The following AFF2 variants were observed in gnomAD, a reference collection of about 807,000 sequenced individuals.
The protein encoded by AFF2 is ALF transcription elongation factor 2, also known as AF4/FMR2 family member 2.
Under a neutral mutation model 76.9 loss-of-function variants are expected in AFF2, and 14 were observed. That is an observed-to-expected ratio of 0.18 (90% CI 0.12 to 0.28). The LOEUF (loss-of-function observed/expected upper bound fraction) is 0.28. AFF2 is among the 10% of genes least tolerant of loss of function. The probability of loss-of-function intolerance (pLI) is 1.00; values close to 1 mark genes in which losing one functional copy is unlikely to be tolerated. For synonymous variants in AFF2, 398 were observed against 366.7 expected, an observed-to-expected ratio of 1.09 and a Z score of -0.98; for missense variants, 868 against 1,001.1, an observed-to-expected ratio of 0.87 and a Z score of 1.79.
chrX:148,946,556 C>T (rs1276869385), intron 9 of AFF2, among the ~76,000 whole-genome samples: 1 of 112,859 alleles, frequency 8.9e-6, no homozygotes, highest in Non-Finnish European at 1.9e-5. Context: ...TGGTTAAAAT[C>T]AAGGTGGCAG....
intron 8 of AFF2, among the ~76,000 whole-genome samples, chrX:148,903,288 AT>A (rs1277281021): frequency 8.9e-6 from 1 of 112,161 alleles, no homozygotes; most frequent in Non-Finnish European, 1.9e-5. Flanking sequence ...TGAAAAAAAA[AT>A]CATCACTAAA....
At position 148,906,771 on chromosome X, in the gene AFF2, G is replaced by A. The variant is rs181088814; in HGVS notation, c.1397+2513G>A. On this transcript the variant is annotated intron_variant, in intron 9 of 20. Transcript: ENST00000370460. ...GGCTCAAGCTGAGCTTTTGCTCGCC[G>A]TCCACCACTGCTGAATGCCGCCATT... 2.2e-4 allele frequency among the ~76,000 whole-genome samples: 24 copies of A among 111,437 alleles called. No homozygotes were observed. In the East Asian group the frequency reaches 5.4e-3, roughly 25 times the overall value.
At chrX:148,842,160 C>T (rs920174970) in intron 5 of AFF2, among the ~76,000 whole-genome samples, 38 of 111,870 alleles carry the variant, frequency 3.4e-4, no homozygotes, top group African/African-American at 1.1e-3. Context: ...GCCTGTATTG[C>T]GGTTTGTACC....
chrX:148,907,404 G>A (rs147008601), intron 9 of AFF2, among the ~76,000 whole-genome samples: 36 of 111,425 alleles, frequency 3.2e-4, no homozygotes, highest in African/African-American at 1.1e-3. Context: ...CAGTCCTGTC[G>A]GGCGAAATTC....
chrX:148,767,692 G>T lies in AFF2; in HGVS notation c.1042-42184G>T, dbSNP rs189551512. On this transcript the variant is annotated intron_variant, in intron 3 of 20. Transcript: ENST00000370460. ...CAAATTACAGCCATCTTGATAGGGGGTGATTATTGGCATTACCAACTCAGT... is the reference window on the plus strand; with the variant it reads ...CAAATTACAGCCATCTTGATAGGGGTTGATTATTGGCATTACCAACTCAGT... 1.9e-4 allele frequency among the ~76,000 whole-genome samples: 21 copies of T among 111,983 alleles called. No individual in the cohort carries two copies. The East Asian group carries it at 2.8e-3, about 15-fold the overall frequency.
intron 3 of AFF2, among the ~76,000 whole-genome samples, chrX:148,800,675 G>A (rs1157605665): frequency 9.0e-6 from 1 of 111,251 alleles, no homozygotes; most frequent in Non-Finnish European, 1.9e-5. Flanking sequence ...CTGTGGCAAT[G>A]CCTTCAGAAA....
chrX:148,808,310 T>C (rs1484363364), intron 3 of AFF2, among the ~76,000 whole-genome samples: 1 of 112,286 alleles, frequency 8.9e-6, no homozygotes, highest in Non-Finnish European at 1.9e-5. Flanking sequence ...TTGCTTCCCA[T>C]TGTATCTCTG....
At position 148,955,773 on chromosome X, in the gene AFF2, C is replaced by T; in HGVS notation, c.1728C>T (p.Ala576=). The change falls in exon 11 of 21, where the codon GCC becomes GCT. Residue 576 remains alanine (A), a synonymous_variant. Coordinates refer to ENST00000370460, the MANE Select transcript of AFF2 (RefSeq NM_002025.4). ...TCCAGATGAAAGTGAAGACGAATGC[C>T]AGTCAGGTCCCAGCTGAACCCAAAG... The part of the protein sequence containing the change: ...MEVQMKVKTN[A]SQVPAEPKER... 1 of 1,211,818 alleles carries T rather than the reference C, an allele frequency of 8.3e-7. No individual in the cohort carries two copies. The highest frequency in any genetic ancestry group is 1.1e-6 in the Non-Finnish European group (1 of 895,542).
At chrX:148,969,361 T>C (rs1409091394) in intron 15 of AFF2, among the ~76,000 whole-genome samples, 1 of 112,522 alleles carries the variant, frequency 8.9e-6, no homozygotes, top group African/African-American at 3.2e-5. Context: ...AGAATAAGTA[T>C]ATTTCTTGTA....
intron 3 of AFF2, among the ~76,000 whole-genome samples, chrX:148,743,947 T>C: frequency 9.0e-6 from 1 of 110,935 alleles, no homozygotes; most frequent in East Asian, 2.8e-4. Flanking sequence ...TAAGTAAATA[T>C]GTGTATATGA....
chrX:148,552,932 G>C (rs2053012134), intron 1 of AFF2, among the ~76,000 whole-genome samples: 1 of 111,647 alleles, frequency 9.0e-6, no homozygotes, highest in Admixed American at 9.5e-5. Flanking sequence ...TTTGTTGCTT[G>C]GTAGGAAGAA....
chrX:148,799,784 C>T (rs1305312784), intron 3 of AFF2, among the ~76,000 whole-genome samples: 1 of 112,022 alleles, frequency 8.9e-6, no homozygotes, highest in East Asian at 2.8e-4. Flanking sequence ...AATGGACATG[C>T]TTGCTTAGCA....
chrX:148,798,160 G>A (rs1293820374), intron 3 of AFF2, among the ~76,000 whole-genome samples: 1 of 110,729 alleles, frequency 9.0e-6, no homozygotes, highest in Admixed American at 9.6e-5. Context: ...AGGTTGGGGA[G>A]AGAGAGAGAG....
intron 9 of AFF2, among the ~76,000 whole-genome samples, chrX:148,947,674 T>C (rs1437391934): frequency 1.8e-5 from 2 of 111,597 alleles, no homozygotes; most frequent in Non-Finnish European, 3.8e-5. Flanking sequence ...GGTGGCCTAA[T>C]GTGATGAGGC....
chrX:148,724,305 G>T (rs1730491156), intron 3 of AFF2, among the ~76,000 whole-genome samples: 1 of 110,601 alleles, frequency 9.0e-6, no homozygotes, highest in Admixed American at 9.6e-5. Context: ...ATGAACTCAG[G>T]TACATGTTTG....
chrX:148,825,477 A>G (rs934892791), intron 4 of AFF2, among the ~76,000 whole-genome samples: 2 of 111,169 alleles, frequency 1.8e-5, no homozygotes, highest in Non-Finnish European at 3.8e-5. Flanking sequence ...TTTGAATTTC[A>G]TATTTCGACC....
At chrX:148,855,379 T>G (rs1428320740) in intron 7 of AFF2, among the ~76,000 whole-genome samples, 1 of 110,913 alleles carries the variant, frequency 9.0e-6, no homozygotes, top group African/African-American at 3.3e-5. Context: ...GATGTTTGAC[T>G]CTCCTGAACA....
At chrX:148,941,158 G>A (rs782321713) in intron 9 of AFF2, among the ~76,000 whole-genome samples, 6 of 111,148 alleles carry the variant, frequency 5.4e-5, no homozygotes, top group Non-Finnish European at 1.1e-4. Flanking sequence ...AATGGTCTTT[G>A]TGATTTATAG....
intron 3 of AFF2, among the ~76,000 whole-genome samples, chrX:148,758,057 CA>C (rs1557267042): frequency 8.9e-6 from 1 of 112,175 alleles, no homozygotes; most frequent in Non-Finnish European, 1.9e-5. Flanking sequence ...TTAAAAAGTA[CA>C]TATTTGCATT....
Sources: allele counts gnomAD v4.1 joint callset (sites outside exome capture counted in the v4.1 genomes callset), GRCh38; gene constraint gnomAD v4.1.1; transcripts MANE v1.5; gene names NCBI Gene and HGNC (gene_info 2026-07-23, HGNC 2026-07-21).